DLG2: variants seen among roughly 807,000 people sequenced by gnomAD.
DLG2 encodes the protein disks large homolog 2.
DLG2 carries 45 observed loss-of-function variants against 132.5 expected under a neutral mutation model. The ratio of observed to expected loss-of-function variants is 0.34; its 90% CI spans 0.27 to 0.44. The LOEUF (loss-of-function observed/expected upper bound fraction) is 0.44. Ranked by LOEUF, DLG2 falls within the 20% of genes least tolerant of loss-of-function variation. The pLI is 1.00. For synonymous variants in DLG2, 424 were observed against 419.6 expected, an observed-to-expected ratio of 1.01 and a Z score of -0.13; for missense variants, 1,045 against 1,196.9, an observed-to-expected ratio of 0.87 and a Z score of 1.87.
chr11:84,771,337 T>C lies in DLG2; in HGVS notation c.358-236606A>G, dbSNP rs2069349273. On this transcript the variant is annotated intron_variant, in intron 6 of 27. Transcript: ENST00000376104. ...CTAATTGGTGTGAGATGGTATCTCA[T>C]TGTGGTTTTGATTTGAATTTCTGTA... Among the ~76,000 whole-genome samples, 3 of 152,214 alleles carry C rather than the reference T, an allele frequency of 2.0e-5. No homozygotes were observed. In the South Asian group the frequency reaches 6.2e-4, roughly 31 times the overall value.
At chr11:85,578,602 A>G (rs1318978488) in intron 3 of DLG2, among the ~76,000 whole-genome samples, 1 of 152,228 alleles carries the variant, frequency 6.6e-6, no homozygotes, top group Non-Finnish European at 1.5e-5. Context: ...AAAAGAAAAC[A>G]TACATATGCC....
chr11:85,288,163 T>G (rs1439116576), intron 3 of DLG2, among the ~76,000 whole-genome samples: 1 of 152,040 alleles, frequency 6.6e-6, no homozygotes, highest in African/African-American at 2.4e-5. Flanking sequence ...TATATTATTT[T>G]GTATGAATTA....
At chr11:83,866,642 C>G (rs2062437041) in intron 16 of DLG2, among the ~76,000 whole-genome samples, 1 of 152,082 alleles carries the variant, frequency 6.6e-6, no homozygotes. Flanking sequence ...TACATTGAGA[C>G]CATTTTTAAA....
At chr11:83,538,022 T>C (rs1452790355) in intron 20 of DLG2, among the ~76,000 whole-genome samples, 2 of 152,126 alleles carry the variant, frequency 1.3e-5, no homozygotes, top group Non-Finnish European at 1.5e-5. Flanking sequence ...TTTCAGATTT[T>C]GTGTTGATAC....
At chr11:85,226,509 C>T (rs2074985935) in intron 4 of DLG2, among the ~76,000 whole-genome samples, 1 of 151,954 alleles carries the variant, frequency 6.6e-6, no homozygotes, top group African/African-American at 2.4e-5. Flanking sequence ...GCTATGATCT[C>T]GCCACTACGC....
chr11:84,242,046 G>C (rs943696479), intron 8 of DLG2, among the ~76,000 whole-genome samples: 7 of 152,148 alleles, frequency 4.6e-5, no homozygotes, highest in Non-Finnish European at 8.8e-5. Context: ...TGCTCTGCTA[G>C]GTTACACTTC....
intron 19 of DLG2, among the ~76,000 whole-genome samples, chr11:83,558,811 T>G (rs2096562436): frequency 6.6e-6 from 1 of 151,220 alleles, no homozygotes; most frequent in Admixed American, 6.6e-5. Flanking sequence ...ATACATGAAT[T>G]AACTACCTAC....
chr11:84,663,931 C>G (rs1374519615), intron 6 of DLG2, among the ~76,000 whole-genome samples: 2 of 152,150 alleles, frequency 1.3e-5, no homozygotes, highest in African/African-American at 4.8e-5. Flanking sequence ...ATCTGGTGCC[C>G]AGGCAGGCAA....
At chr11:83,646,769 G>C (rs372919461) in intron 18 of DLG2, 1 of 152,234 alleles carries the variant, frequency 6.6e-6, no homozygotes, top group African/African-American at 2.4e-5. Context: ...TCTTAAGATG[G>C]GGGTGGGGGA....
intron 3 of DLG2, among the ~76,000 whole-genome samples, chr11:85,464,422 T>C (rs1172140147): frequency 6.6e-6 from 1 of 152,082 alleles, no homozygotes; most frequent in Non-Finnish European, 1.5e-5. Flanking sequence ...GAAGGGGTGC[T>C]CCTGATTGTT....
At chr11:84,121,916 A>G (rs2093942221) in intron 9 of DLG2, among the ~76,000 whole-genome samples, 2 of 152,140 alleles carry the variant, frequency 1.3e-5, no homozygotes, top group Admixed American at 6.5e-5. Flanking sequence ...TTATATTTGA[A>G]TAATGCTGAG....
intron 21 of DLG2, among the ~76,000 whole-genome samples, chr11:83,492,727 T>C (rs1235647172): frequency 6.6e-6 from 1 of 151,954 alleles, no homozygotes; most frequent in Non-Finnish European, 1.5e-5. Context: ...ATCCAATTGG[T>C]TAATAAATCC....
At chr11:85,194,640 A>G (rs1184536969) in intron 4 of DLG2, among the ~76,000 whole-genome samples, 1 of 151,356 alleles carries the variant, frequency 6.6e-6, no homozygotes, top group Non-Finnish European at 1.5e-5. Flanking sequence ...GCAGAATAGA[A>G]AGAGTATGGG....
intron 21 of DLG2, among the ~76,000 whole-genome samples, chr11:83,487,913 G>A (rs1468867366): frequency 1.3e-5 from 2 of 151,952 alleles, no homozygotes; most frequent in Non-Finnish European, 2.9e-5. Context: ...GCTTAGAGCT[G>A]GGGATAGTGG....
At chr11:84,379,618 T>G in intron 7 of DLG2, among the ~76,000 whole-genome samples, 1 of 152,088 alleles carries the variant, frequency 6.6e-6, no homozygotes, top group East Asian at 1.9e-4. Flanking sequence ...AAAGAAATGG[T>G]ATTATTAAAC....
chr11:84,398,998 T>C (rs528864230), intron 7 of DLG2, among the ~76,000 whole-genome samples: 3 of 152,208 alleles, frequency 2.0e-5, no homozygotes, highest in Non-Finnish European at 4.4e-5. Flanking sequence ...ATATTTTCAC[T>C]TTTTAGTATG....
At chr11:84,032,372 G>A (rs1474404055) in intron 11 of DLG2, among the ~76,000 whole-genome samples, 1 of 152,168 alleles carries the variant, frequency 6.6e-6, no homozygotes, top group African/African-American at 2.4e-5. Flanking sequence ...GAAAGTTTTA[G>A]TGGTCGAGAT....
intron 4 of DLG2, among the ~76,000 whole-genome samples, chr11:85,265,928 C>A (rs1283366605): frequency 6.6e-6 from 1 of 152,274 alleles, no homozygotes; most frequent in Non-Finnish European, 1.5e-5. Context: ...CCCCATTCAC[C>A]ATCCTTTGAT....
chr11:84,013,119 T>C (rs2094976165), intron 11 of DLG2, among the ~76,000 whole-genome samples: 1 of 152,150 alleles, frequency 6.6e-6, no homozygotes, highest in Non-Finnish European at 1.5e-5. Flanking sequence ...AACTAAGACC[T>C]CCAGAAATGA....
Sources: allele counts gnomAD v4.1 joint callset (sites outside exome capture counted in the v4.1 genomes callset), GRCh38; gene constraint gnomAD v4.1.1; transcripts MANE v1.5; gene names NCBI Gene and HGNC (gene_info 2026-07-23, HGNC 2026-07-21).